The following RBFOX1 variants were observed in gnomAD, a reference collection of about 807,000 sequenced individuals.
The protein encoded by RBFOX1 is RNA binding fox-1 homolog 1, also known as RNA binding protein fox-1 homolog 1.
In RBFOX1, 8 loss-of-function variants were observed where a neutral mutation model predicts 57.7. The ratio of observed to expected loss-of-function variants is 0.14; its 90% CI spans 0.08 to 0.25. The LOEUF is 0.25. Ranked by LOEUF, RBFOX1 falls within the 10% of genes least tolerant of loss-of-function variation. The probability of loss-of-function intolerance (pLI) is 1.00; values close to 1 mark genes in which losing one functional copy is unlikely to be tolerated. For missense variants in RBFOX1, 611 were observed against 548.5 expected, an observed-to-expected ratio of 1.11 and a Z score of -1.14; for synonymous variants, 326 against 222.4, an observed-to-expected ratio of 1.47 and a Z score of -4.15.
At chr16:5,854,781 G>GT (rs1388418333) in intron 3 of RBFOX1, among the ~76,000 whole-genome samples, 3 of 151,506 alleles carry the variant, frequency 2.0e-5, no homozygotes, top group East Asian at 1.9e-4. Flanking sequence ...GATAGTTCTA[G>GT]TTTTTTTTTG....
At chr16:6,557,630 T>C (rs565698347) in intron 2 of RBFOX1, among the ~76,000 whole-genome samples, 17 of 152,354 alleles carry the variant, frequency 1.1e-4, no homozygotes, top group Admixed American at 2.6e-4. Context: ...CGCTGATTAA[T>C]TCCCATTCTA....
At chr16:5,316,996 G>T (rs578028330) in intron 1 of RBFOX1, among the ~76,000 whole-genome samples, 140 of 152,268 alleles carry the variant, frequency 9.2e-4, no homozygotes, top group African/African-American at 3.3e-3. Flanking sequence ...ATATTTTCCT[G>T]CCCTTGGATT....
chr16:6,065,686 C>G (rs1169635663), intron 1 of RBFOX1, among the ~76,000 whole-genome samples: 1 of 152,184 alleles, frequency 6.6e-6, no homozygotes, highest in African/African-American at 2.4e-5. Flanking sequence ...GTTAGAAGAC[C>G]TGGCTTTGAA....
At chr16:7,083,924 A>C (rs2059587885) in intron 4 of RBFOX1, among the ~76,000 whole-genome samples, 1 of 152,066 alleles carries the variant, frequency 6.6e-6, no homozygotes, top group Non-Finnish European at 1.5e-5. Context: ...CATCCTGCCC[A>C]CCTAGAGGTA....
intron 3 of RBFOX1, among the ~76,000 whole-genome samples, chr16:6,955,628 G>C (rs535087522): frequency 3.1e-4 from 45 of 147,106 alleles, no homozygotes; most frequent in African/African-American, 1.0e-3. Flanking sequence ...CAATATGAGA[G>C]AAAATTAATA....
chr16:7,425,575 T>C lies in RBFOX1; in HGVS notation c.28-92572T>C, dbSNP rs1031221063. 1.4e-4 allele frequency among the ~76,000 whole-genome samples: 21 copies of C among 152,350 alleles called. No homozygotes were observed. In the Middle Eastern group the frequency reaches 0.01, roughly 74 times the overall value. On this transcript the variant is annotated intron_variant, in intron 4 of 15. Transcript: ENST00000550418. ...TTGTTTCCAAGTGGCAAATGTTCCT[T>C]CTGAAATTACATAGTTTCCTCTTGC...
At chr16:5,761,862 G>C (rs145530917) in intron 3 of RBFOX1, among the ~76,000 whole-genome samples, 1 of 152,226 alleles carries the variant, frequency 6.6e-6, no homozygotes, top group East Asian at 1.9e-4. Context: ...CACTGGAGGG[G>C]CCAATCATCC....
chr16:7,258,127 A>G (rs1042842091), intron 4 of RBFOX1, among the ~76,000 whole-genome samples: 1 of 152,206 alleles, frequency 6.6e-6, no homozygotes, highest in Admixed American at 6.5e-5. Flanking sequence ...CACTGCTTCC[A>G]GAGGTACCAG....
chr16:7,349,266 C>A (rs1482341552), intron 4 of RBFOX1, among the ~76,000 whole-genome samples: 2 of 152,114 alleles, frequency 1.3e-5, no homozygotes, highest in Non-Finnish European at 2.9e-5. Context: ...ACTGGGAGAC[C>A]AACCAGACTT....
chr16:5,389,304 A>G (rs1226643008), intron 1 of RBFOX1, among the ~76,000 whole-genome samples: 2 of 152,156 alleles, frequency 1.3e-5, no homozygotes, highest in Non-Finnish European at 2.9e-5. Context: ...TCTTCCTCCA[A>G]TCTTACCTGC....
chr16:7,022,044 C>A, intron 3 of RBFOX1, among the ~76,000 whole-genome samples: 1 of 91,208 alleles, frequency 1.1e-5, no homozygotes. Flanking sequence ...CTCCCCTTCC[C>A]CCTCCCCTTC....
chr16:7,474,218 C>T (rs12598287), intron 4 of RBFOX1, among the ~76,000 whole-genome samples: 59,451 of 151,950 alleles, frequency 0.39, 12,014 homozygotes, highest in Non-Finnish European at 0.45. Context: ...ACATGGGAGG[C>T]GGAAGTTGCA....
chr16:7,083,609 A>G (rs2059534943), intron 4 of RBFOX1, among the ~76,000 whole-genome samples: 1 of 152,108 alleles, frequency 6.6e-6, no homozygotes, highest in Non-Finnish European at 1.5e-5. Flanking sequence ...ACTCAGATGC[A>G]CAAGAAACAA....
intron 4 of RBFOX1, among the ~76,000 whole-genome samples, chr16:7,349,682 G>T (rs1014156810): frequency 1.3e-5 from 2 of 152,104 alleles, no homozygotes; most frequent in African/African-American, 4.8e-5. Context: ...GCTGTGGCTT[G>T]CTTTCCATAT....
chr16:7,492,780 C>T (rs2067340241), intron 4 of RBFOX1, among the ~76,000 whole-genome samples: 1 of 152,102 alleles, frequency 6.6e-6, no homozygotes. Flanking sequence ...CTCTCTCTTG[C>T]CCCGACTCTC....
chr16:6,957,734 A>G (rs1469836501), intron 3 of RBFOX1, among the ~76,000 whole-genome samples: 1 of 152,088 alleles, frequency 6.6e-6, no homozygotes, highest in Non-Finnish European at 1.5e-5. Context: ...CCCAGCCCCT[A>G]TTGAAGATGG....
chr16:5,682,701 G>A (rs1437854303), intron 3 of RBFOX1, among the ~76,000 whole-genome samples: 1 of 152,214 alleles, frequency 6.6e-6, no homozygotes, highest in Non-Finnish European at 1.5e-5. Context: ...ATCCAAGGTT[G>A]TCCGAGTCTA....
chr16:5,729,250 T>C (rs2151555540), intron 3 of RBFOX1, among the ~76,000 whole-genome samples: 1 of 152,320 alleles, frequency 6.6e-6, no homozygotes, highest in East Asian at 1.9e-4. Flanking sequence ...TGGAGATGCT[T>C]CATACCTAGA....
chr16:5,827,015 A>G (rs956474565), intron 3 of RBFOX1, among the ~76,000 whole-genome samples: 12 of 152,174 alleles, frequency 7.9e-5, no homozygotes, highest in East Asian at 1.9e-4. Flanking sequence ...AGAGAAGCCT[A>G]TCTCTTCGTT....
Sources: allele counts gnomAD v4.1 joint callset (sites outside exome capture counted in the v4.1 genomes callset), GRCh38; gene constraint gnomAD v4.1.1; transcripts MANE v1.5; gene names NCBI Gene and HGNC (gene_info 2026-07-23, HGNC 2026-07-21).